Variants in DDAH1 observed in about 807,000 individuals in gnomAD.
DDAH1 encodes dimethylarginine dimethylaminohydrolase 1.
Under a neutral mutation model 28.8 loss-of-function variants are expected in DDAH1, and 19 were observed. That is an observed-to-expected ratio of 0.66 (90% CI 0.46 to 0.97). DDAH1 has a LOEUF of 0.97. DDAH1 is among the 50% of genes least tolerant of loss of function. The probability of loss-of-function intolerance (pLI) is 0.00; values close to 1 mark genes in which losing one functional copy is unlikely to be tolerated. For missense variants in DDAH1, 326 were observed against 375.9 expected, an observed-to-expected ratio of 0.87 and a Z score of 1.10; for synonymous variants, 153 against 154.4, an observed-to-expected ratio of 0.99 and a Z score of 0.07.
chr1:85,488,139 G>A (rs771103398), intron 2 of DDAH1, among the ~76,000 whole-genome samples: 21 of 152,078 alleles, frequency 1.4e-4, no homozygotes, highest in Non-Finnish European at 1.9e-4. Flanking sequence ...AGCTGAGATC[G>A]CACCACTGGA....
At chr1:85,500,191 TCTTCCTTCCTTTCTTC>T (rs1384601436) in intron 1 of DDAH1, among the ~76,000 whole-genome samples, 3 of 150,412 alleles carry the variant, frequency 2.0e-5, no homozygotes, top group East Asian at 3.9e-4. Flanking sequence ...CTTCATCTTT[TCTTCCTTCCTTTCTTC>T]CTTCCTTCCT....
chr1:85,414,233 G>A (rs1173321974), intron 1 of DDAH1, among the ~76,000 whole-genome samples: 1 of 152,166 alleles, frequency 6.6e-6, no homozygotes, highest in Admixed American at 6.5e-5. Flanking sequence ...TAGATCAGCA[G>A]GAAAAGGACA....
intron 1 of DDAH1, among the ~76,000 whole-genome samples, chr1:85,431,039 A>C (rs1570534001): frequency 6.6e-6 from 1 of 152,124 alleles, no homozygotes; most frequent in Admixed American, 6.5e-5. Context: ...TGTCATAAAT[A>C]GCTCTTATTA....
At chr1:85,439,562 T>C (rs543553539) in intron 1 of DDAH1, among the ~76,000 whole-genome samples, 1 of 152,378 alleles carries the variant, frequency 6.6e-6, no homozygotes, top group African/African-American at 2.4e-5. Context: ...CACTCTTCTC[T>C]TGTTTCTTAT....
chr1:85,371,998 GA>G lies in DDAH1; in HGVS notation c.304-13152del, dbSNP rs1054496325. On this transcript the variant is annotated intron_variant, in intron 1 of 5. Coordinates refer to ENST00000284031, the MANE Select transcript of DDAH1 (RefSeq NM_012137.4). ...GAACACTGGGATGATTTCTGGGGGGGAATTTTGCTGCTTTTTTTTTCCTTCC... is the reference window on the plus strand; with the variant it reads ...GAACACTGGGATGATTTCTGGGGGGGATTTTGCTGCTTTTTTTTTCCTTCC... Among the ~76,000 whole-genome samples, 26 of 152,146 alleles carry G rather than the reference GA, an allele frequency of 1.7e-4. 1 individual carries two copies. The highest frequency in any genetic ancestry group is 6.0e-4 in the African/African-American group (25 of 41,512).
At chr1:85,361,313 G>A (rs1477283969) in intron 1 of DDAH1, among the ~76,000 whole-genome samples, 1 of 152,128 alleles carries the variant, frequency 6.6e-6, no homozygotes, top group Admixed American at 6.5e-5. Context: ...CAAACCATGA[G>A]CCTTTAAGAA....
chr1:85,325,366 C>CGT (rs1415738732), intron 4 of DDAH1, among the ~76,000 whole-genome samples: 7 of 152,066 alleles, frequency 4.6e-5, no homozygotes, highest in African/African-American at 1.7e-4. Flanking sequence ...CGCGCGCGCG[C>CGT]GCACACACAC....
At chr1:85,526,170 G>A in intron 1 of DDAH1, among the ~76,000 whole-genome samples, 1 of 152,150 alleles carries the variant, frequency 6.6e-6, no homozygotes, top group Non-Finnish European at 1.5e-5. Flanking sequence ...AAAAAGTGCT[G>A]CCCATCTTTC....
chr1:85,429,976 G>C (rs2100632780), intron 1 of DDAH1, among the ~76,000 whole-genome samples: 1 of 152,226 alleles, frequency 6.6e-6, no homozygotes, highest in East Asian at 1.9e-4. Context: ...TTTGATGGTA[G>C]TTTCTTTTGC....
chr1:85,333,956 C>CA (rs1259042973), intron 4 of DDAH1, among the ~76,000 whole-genome samples: 2 of 152,070 alleles, frequency 1.3e-5, no homozygotes, highest in Admixed American at 1.3e-4. Context: ...GATACAACCC[C>CA]AAAAAAATCT....
intron 1 of DDAH1, among the ~76,000 whole-genome samples, chr1:85,389,589 G>A (rs1198738352): frequency 6.6e-6 from 1 of 152,146 alleles, no homozygotes. Context: ...AAGAGATTGT[G>A]AGCTCTGTGA....
chr1:85,559,377 G>C (rs1659075610), intron 1 of DDAH1, among the ~76,000 whole-genome samples: 1 of 152,052 alleles, frequency 6.6e-6, no homozygotes, highest in South Asian at 2.1e-4. Context: ...CCAAGACAAA[G>C]CTCAATACTA....
chr1:85,379,305 C>T (rs751066821), intron 1 of DDAH1, among the ~76,000 whole-genome samples: 1 of 152,178 alleles, frequency 6.6e-6, no homozygotes, highest in Non-Finnish European at 1.5e-5. Context: ...ATCACATCCA[C>T]AGCATCGGCC....
At chr1:85,456,764 T>C (rs1417938213) in intron 1 of DDAH1, among the ~76,000 whole-genome samples, 1 of 152,060 alleles carries the variant, frequency 6.6e-6, no homozygotes, top group Non-Finnish European at 1.5e-5. Flanking sequence ...AGATGACAGG[T>C]TTTCCTGATA....
intron 1 of DDAH1, among the ~76,000 whole-genome samples, chr1:85,410,110 A>C (rs2100594357): frequency 6.6e-6 from 1 of 151,622 alleles, no homozygotes; most frequent in East Asian, 2.0e-4. Context: ...GCACAACCCC[A>C]TCTCTACAAA....
At chr1:85,429,573 T>G (rs1323377539) in intron 1 of DDAH1, among the ~76,000 whole-genome samples, 1 of 152,206 alleles carries the variant, frequency 6.6e-6, no homozygotes, top group Non-Finnish European at 1.5e-5. Context: ...TGGTTCTAGA[T>G]CCTTGAGGAA....
chr1:85,513,049 C>A (rs1281450579), intron 1 of DDAH1, among the ~76,000 whole-genome samples: 3 of 152,146 alleles, frequency 2.0e-5, no homozygotes, highest in African/African-American at 7.2e-5. Context: ...CCAAGACAAT[C>A]CTAAGCAGAA....
At chr1:85,561,929 C>G (rs1274490563) in intron 1 of DDAH1, among the ~76,000 whole-genome samples, 4 of 152,154 alleles carry the variant, frequency 2.6e-5, no homozygotes, top group Admixed American at 2.6e-4. Flanking sequence ...TGAATGATTC[C>G]TTTTGCAGTT....
chr1:85,394,290 C>T (rs191040412), intron 1 of DDAH1, among the ~76,000 whole-genome samples: 4 of 152,300 alleles, frequency 2.6e-5, no homozygotes, highest in African/African-American at 4.8e-5. Flanking sequence ...GGTGAGGTCA[C>T]GCCTGTGTTT....
Sources: allele counts gnomAD v4.1 joint callset (sites outside exome capture counted in the v4.1 genomes callset), GRCh38; gene constraint gnomAD v4.1.1; transcripts MANE v1.5; gene names NCBI Gene and HGNC (gene_info 2026-07-23, HGNC 2026-07-21).